The following SLC22A23 variants were observed in gnomAD, a reference collection of about 807,000 sequenced individuals.
The protein encoded by SLC22A23 is solute carrier family 22 member 23, also known as ion transporter protein.
Under a neutral mutation model 61.0 loss-of-function variants are expected in SLC22A23, and 26 were observed. The observed-to-expected ratio is 0.43, with a 90% CI of 0.31 to 0.59. The LOEUF is 0.59. SLC22A23 is among the 20% of genes least tolerant of loss of function. The pLI is 0.11. For missense variants in SLC22A23, 796 were observed against 934.7 expected (o/e 0.85, Z 1.94); for synonymous variants, 430 against 413.9 (o/e 1.04, Z -0.47).
rs891507438 is a variant in SLC22A23, at chr6:3,327,599, T to A, written c.914-3597A>T. ...CTCCTGGTACATAGAAGCTGTGACC[T>A]TGGTTCAGTCAGTTAGGAGTTCTGT... On this transcript the variant is annotated intron_variant, in intron 3 of 9. Coordinates refer to ENST00000406686, the MANE Select transcript of SLC22A23 (RefSeq NM_015482.2). This position sits in a 1 kb window ranked among gnomAD's most constrained non-coding sequence, Gnocchi z 4.1. 6.6e-6 allele frequency among the ~76,000 whole-genome samples: 1 copy of A among 152,220 alleles called. No homozygotes were observed. The highest frequency in any genetic ancestry group is 1.5e-5 in the Non-Finnish European group (1 of 68,046).
chr6:3,351,720 G>T (rs567129032), intron 3 of SLC22A23, among the ~76,000 whole-genome samples: 1 of 152,196 alleles, frequency 6.6e-6, no homozygotes, highest in Non-Finnish European at 1.5e-5. Context: ...CTGTACCACA[G>T]GGTGGGCCCT....
intron 1 of SLC22A23, among the ~76,000 whole-genome samples, chr6:3,441,943 T>C (rs190607922): frequency 6.6e-6 from 1 of 152,140 alleles, no homozygotes; most frequent in East Asian, 1.9e-4. Context: ...GATGGAGGGA[T>C]TGTCCGGAAC....
In SLC22A23 at chr6:3,427,454, A is replaced by C. The variant is rs555843946; in HGVS notation, c.655-11599T>G. On this transcript the variant is annotated intron_variant, in intron 1 of 9. Transcript: ENST00000406686. The surrounding 1 kb of genome is among the most constrained non-coding windows in gnomAD (Gnocchi z 4.3). ...TTAAGGGGTATTTTACTAGTTTTAC[A>C]TCCTGTCTGCATAGTCAGCACCAGA... Among the ~76,000 whole-genome samples, 1 of 152,312 alleles carries C rather than the reference A, an allele frequency of 6.6e-6. No homozygotes were observed. The highest frequency in any genetic ancestry group is 1.9e-4 in the East Asian group (1 of 5,184).
At chr6:3,440,721 A>G (rs1771537346) in intron 1 of SLC22A23, among the ~76,000 whole-genome samples, 2 of 151,726 alleles carry the variant, frequency 1.3e-5, no homozygotes, top group African/African-American at 2.4e-5. Flanking sequence ...AAAAAAAAAA[A>G]AAGAAGAGGA....
In SLC22A23 at chr6:3,426,369, G is replaced by A. The variant is rs527884041; in HGVS notation, c.655-10514C>T. On this transcript the variant is annotated intron_variant, in intron 1 of 9. Transcript: ENST00000406686. ...ACAGGGTGACCTGATGCACAGGGAC[G>A]CATGACTCTCCCAACAAATTTCACA... is the stretch of plus-strand genomic sequence containing the variant. 1.6e-3 allele frequency among the ~76,000 whole-genome samples: 248 copies of A among 152,240 alleles called. No homozygotes were observed. In the Middle Eastern group the frequency reaches 0.027, roughly 17 times the overall value.
chr6:3,323,948 A>C lies in SLC22A23; in HGVS notation c.968T>G (p.Phe323Cys). The change falls in exon 4 of 10, where the codon TTC becomes TGC. Residue 323 changes from phenylalanine to cysteine, a missense_variant. By Grantham distance (205) the Phe-to-Cys change is radical. Coordinates refer to ENST00000406686, the MANE Select transcript of SLC22A23 (RefSeq NM_015482.2). The part of the protein sequence containing the change: ...KRFMITMVAS[F>C]VAMAGQFLMP... ...GAGGAACTGGCCCGCCATGGCCACG[A>C]AGCTCGCCACCATCGTAATCATGAA... is the stretch of plus-strand genomic sequence containing the variant. 1 of 1,614,226 alleles carries C rather than the reference A, an allele frequency of 6.2e-7. No individual in the cohort carries two copies. The highest frequency in any genetic ancestry group is 8.5e-7 in the Non-Finnish European group (1 of 1,180,044).
chr6:3,429,024 A>C (rs1225084067), intron 1 of SLC22A23, among the ~76,000 whole-genome samples: 1 of 152,086 alleles, frequency 6.6e-6, no homozygotes, highest in Non-Finnish European at 1.5e-5. Flanking sequence ...ACACACTTTC[A>C]AGGGCATGTC....
intron 9 of SLC22A23, among the ~76,000 whole-genome samples, chr6:3,281,852 C>A (rs1370859069): frequency 1.3e-5 from 2 of 152,116 alleles, no homozygotes; most frequent in Non-Finnish European, 2.9e-5. Flanking sequence ...TTCCTTTCAT[C>A]CTCTGCAGGC....
In SLC22A23 at chr6:3,390,194, C is replaced by T. The variant is rs1221572129; in HGVS notation, c.913+19994G>A. 6.6e-6 allele frequency among the ~76,000 whole-genome samples: 1 copy of T among 152,172 alleles called. No homozygotes were observed. Among genetic ancestry groups the T allele is most frequent in the Non-Finnish European group, 1.5e-5 (1 of 68,032 alleles). On this transcript the variant is annotated intron_variant, in intron 3 of 9. Transcript: ENST00000406686. The surrounding 1 kb of genome is among the most constrained non-coding windows in gnomAD (Gnocchi z 4.0). The stretch of plus-strand genomic sequence containing the variant: ...CCATAACCTCCAGGCCTATGTTAAA[C>T]TTCACATCCAATGACACCGAGGAGG...
At chr6:3,279,327 A>C (rs1481864267) in intron 9 of SLC22A23, among the ~76,000 whole-genome samples, 1 of 151,616 alleles carries the variant, frequency 6.6e-6, no homozygotes, top group East Asian at 1.9e-4. Context: ...TGTGGCCAAC[A>C]TGGTGAAACC....
chr6:3,440,580 G>A lies in SLC22A23; in HGVS notation c.654+15326C>T, dbSNP rs538724704. Among the ~76,000 whole-genome samples, 16 of 152,098 alleles carry A rather than the reference G, an allele frequency of 1.1e-4. 1 individual carries two copies. Among genetic ancestry groups the A allele is most frequent in the South Asian group, 4.2e-4 (2 of 4,814 alleles). ...AAATTAGCTGGGCACGGTGGCGGGC[G>A]CCTGTAATCCCAGCTACTCGGGAGG... is the stretch of plus-strand genomic sequence containing the variant. On this transcript the variant is annotated intron_variant, in intron 1 of 9. Transcript: ENST00000406686.
chr6:3,365,946 T>C (rs1033899340), intron 3 of SLC22A23, among the ~76,000 whole-genome samples: 4 of 152,134 alleles, frequency 2.6e-5, no homozygotes, highest in African/African-American at 9.7e-5. Flanking sequence ...CTCCTTTAAT[T>C]TGCCACAGTG....
rs148197554 is a variant in SLC22A23, at chr6:3,279,989, A to G, written c.1703+3863T>C. On this transcript the variant is annotated intron_variant, in intron 9 of 9. Coordinates refer to ENST00000406686, the MANE Select transcript of SLC22A23 (RefSeq NM_015482.2). ...TGCTGTTAGCCATGTGAACGTTACC[A>G]TCTCACATTGAAACACCCGAGGCGA... is the stretch of plus-strand genomic sequence containing the variant. Among the ~76,000 whole-genome samples the G allele has an allele frequency of 3.4e-3, 523 of 152,342 alleles. 2 individuals are homozygous for G. Among genetic ancestry groups the G allele is most frequent in the Non-Finnish European group, 6.6e-3 (451 of 68,038 alleles).
chr6:3,366,769 G>A (rs941614742), intron 3 of SLC22A23, among the ~76,000 whole-genome samples: 13 of 152,028 alleles, frequency 8.6e-5, no homozygotes, highest in Non-Finnish European at 1.8e-4. Flanking sequence ...TTCACCTCCC[G>A]ACCTCATCCC....
intron 1 of SLC22A23, chr6:3,438,381 A>G (rs1391410166): frequency 2.6e-6 from 1 of 384,748 alleles, no homozygotes; most frequent in Non-Finnish European, 5.2e-6. Flanking sequence ...TGGCACAGGT[A>G]GCAGATGTTT....
At chr6:3,370,846 T>C in intron 3 of SLC22A23, among the ~76,000 whole-genome samples, 1 of 152,258 alleles carries the variant, frequency 6.6e-6, no homozygotes, top group East Asian at 1.9e-4. Context: ...AAGTGTTCAA[T>C]TTCCTGAAAA....
intron 3 of SLC22A23, among the ~76,000 whole-genome samples, chr6:3,326,977 CGGGG>C (rs1267013932): frequency 2.1e-5 from 3 of 141,236 alleles, no homozygotes; most frequent in Non-Finnish European, 3.1e-5. Flanking sequence ...TCAGGAGGGA[CGGGG>C]ACTGCAGGTG....
At chr6:3,383,600 G>C (rs1421695778) in intron 3 of SLC22A23, among the ~76,000 whole-genome samples, 2 of 152,238 alleles carry the variant, frequency 1.3e-5, no homozygotes, top group Non-Finnish European at 2.9e-5. Flanking sequence ...ACTCTGATGT[G>C]AGGGGTCAGA....
At position 3,412,232 on chromosome 6, in the gene SLC22A23, C is replaced by T. The variant is rs117167650; in HGVS notation, c.759-1890G>A. Among the ~76,000 whole-genome samples, 23 of 152,220 alleles carry T rather than the reference C, an allele frequency of 1.5e-4. No homozygotes were observed. In the East Asian group the frequency reaches 3.7e-3, roughly 24 times the overall value. ...CGATTTTTTTAAGCGTGCTGCCTCCCGAAAAATGGTGGCTAAAATCAACAA... is the reference window on the plus strand; with the variant it reads ...CGATTTTTTTAAGCGTGCTGCCTCCTGAAAAATGGTGGCTAAAATCAACAA... On this transcript the variant is annotated intron_variant, in intron 2 of 9. Coordinates refer to ENST00000406686, the MANE Select transcript of SLC22A23 (RefSeq NM_015482.2).
Sources: allele counts gnomAD v4.1 joint callset (sites outside exome capture counted in the v4.1 genomes callset), GRCh38; gene constraint gnomAD v4.1.1; non-coding constraint Gnocchi (gnomAD v3.1); transcripts MANE v1.5; gene names NCBI Gene and HGNC (gene_info 2026-07-23, HGNC 2026-07-21).